The following PRELID2 variants were observed in gnomAD, a reference collection of about 807,000 sequenced individuals.
PRELID2 encodes PRELI domain-containing protein 2.
Under a neutral mutation model 28.4 loss-of-function variants are expected in PRELID2, and 25 were observed. The observed-to-expected ratio is 0.88, with a 90% confidence interval of 0.64 to 1.23. The LOEUF (loss-of-function observed/expected upper bound fraction) is 1.23, where lower values mean the gene tolerates loss of function less well. Ranked by LOEUF, PRELID2 falls within the 50% of genes most tolerant of loss-of-function variation. The pLI, the probability that PRELID2 is intolerant of heterozygous loss-of-function variation, is 0.00. For missense variants in PRELID2, 201 were observed against 214.4 expected, an observed-to-expected ratio of 0.94 and a Z score of 0.39; for synonymous variants, 76 against 71.6, an observed-to-expected ratio of 1.06 and a Z score of -0.31.
intron 5 of PRELID2, among the ~76,000 whole-genome samples, chr5:145,767,026 G>T (rs757519239): frequency 6.6e-6 from 1 of 152,122 alleles, no homozygotes; most frequent in South Asian, 2.1e-4. Context: ...AGTCCCTGGT[G>T]AGGGCCACAC....
chr5:145,616,566 G>A (rs2149648801), intron 1 of PRELID2, among the ~76,000 whole-genome samples: 1 of 152,222 alleles, frequency 6.6e-6, no homozygotes, highest in East Asian at 1.9e-4. Flanking sequence ...CAGGTTCTGT[G>A]ATGCCCCCCA....
intron 4 of PRELID2, among the ~76,000 whole-genome samples, chr5:145,807,865 C>T (rs1753622331): frequency 6.6e-6 from 1 of 152,060 alleles, no homozygotes; most frequent in Non-Finnish European, 1.5e-5. Context: ...TAAACTGTGA[C>T]CTCAGTGCAC....
At chr5:145,230,600 G>GA in the PRELID2 span, among the ~76,000 whole-genome samples, 1 of 151,828 alleles carries the variant, frequency 6.6e-6, no homozygotes, top group Non-Finnish European at 1.5e-5. Context: ...AAAAAGAAAA[G>GA]AAAAAAATGA....
intron 1 of PRELID2, among the ~76,000 whole-genome samples, chr5:145,558,164 T>C (rs1752897015): frequency 6.6e-6 from 1 of 152,254 alleles, no homozygotes; most frequent in South Asian, 2.1e-4. Context: ...CTGTTCTTAA[T>C]GGGACTATTA....
At chr5:145,425,586 C>A in the PRELID2 span, among the ~76,000 whole-genome samples, 6 of 152,046 alleles carry the variant, frequency 3.9e-5, no homozygotes, top group Admixed American at 3.9e-4. Flanking sequence ...TAAAAAAGAA[C>A]AAGATTACGT....
At chr5:145,361,304 C>A in the PRELID2 span, among the ~76,000 whole-genome samples, 4 of 152,136 alleles carry the variant, frequency 2.6e-5, no homozygotes, top group African/African-American at 9.7e-5. Context: ...TTTAACCTTG[C>A]TAAGTGCTTT....
the PRELID2 span, among the ~76,000 whole-genome samples, chr5:145,369,854 G>T: frequency 1.3e-5 from 2 of 151,894 alleles, no homozygotes; most frequent in South Asian, 2.1e-4. Flanking sequence ...GTTTTGATTT[G>T]CATTCCTCTA....
At chr5:145,322,120 G>A in the PRELID2 span, among the ~76,000 whole-genome samples, 1 of 152,136 alleles carries the variant, frequency 6.6e-6, no homozygotes, top group African/African-American at 2.4e-5. Flanking sequence ...GTGAATTGCT[G>A]AGATAATTCA....
At position 145,796,380 on chromosome 5, in the gene PRELID2, C is replaced by T. The variant is rs748318350; in HGVS notation, c.474+62G>A. On this transcript the variant is annotated intron_variant, in intron 5 of 6. Transcript: ENST00000683046. Reference sequence around the variant, plus strand: ...TCTGCTCATGAGTCTTATTCAATAACCCTATTGGAACTCCTATTGTTTTTT... The same window carrying T: ...TCTGCTCATGAGTCTTATTCAATAATCCTATTGGAACTCCTATTGTTTTTT... 1.1e-5 allele frequency: 11 copies of T among 1,041,570 alleles called. No homozygotes were observed. The African/African-American group carries it at 1.7e-4, about 17-fold the overall frequency. The allele number at this position is 1,041,570 out of a possible 1,614,324, so 64.5% of individuals were successfully genotyped here.
the PRELID2 span, among the ~76,000 whole-genome samples, chr5:145,306,009 T>C: frequency 1.3e-5 from 2 of 152,216 alleles, no homozygotes; most frequent in Admixed American, 1.3e-4. Context: ...TAAAGCCTTC[T>C]TCTCAGATAG....
At chr5:145,417,632 A>G in the PRELID2 span, among the ~76,000 whole-genome samples, 1 of 152,084 alleles carries the variant, frequency 6.6e-6, no homozygotes, top group Non-Finnish European at 1.5e-5. Flanking sequence ...TATAAACAGA[A>G]CTAATGACAA....
the PRELID2 span, among the ~76,000 whole-genome samples, chr5:145,237,250 C>A: frequency 6.6e-6 from 1 of 152,096 alleles, no homozygotes; most frequent in African/African-American, 2.4e-5. Context: ...TCTAAGTCAC[C>A]AAGACAGTGT....
At chr5:145,798,167 T>C (rs1401016739) in intron 4 of PRELID2, among the ~76,000 whole-genome samples, 2 of 151,930 alleles carry the variant, frequency 1.3e-5, no homozygotes, top group African/African-American at 4.8e-5. Flanking sequence ...TTTGAAATTA[T>C]TGAGTCAGGA....
intron 1 of PRELID2, among the ~76,000 whole-genome samples, chr5:145,661,884 C>A (rs1039376473): frequency 6.6e-6 from 1 of 151,766 alleles, no homozygotes; most frequent in Admixed American, 6.6e-5. Context: ...AAAAGAGGGC[C>A]CTGCCCTGGA....
At chr5:145,413,611 T>C in the PRELID2 span, among the ~76,000 whole-genome samples, 5 of 140,168 alleles carry the variant, frequency 3.6e-5, no homozygotes, top group South Asian at 5.1e-4. Context: ...ATGAAGAAAA[T>C]ACACACACAC....
chr5:145,639,933 C>G (rs1221578288), intron 1 of PRELID2, among the ~76,000 whole-genome samples: 1 of 152,104 alleles, frequency 6.6e-6, no homozygotes, highest in Non-Finnish European at 1.5e-5. Flanking sequence ...TGAGAAGTGC[C>G]CCCTTGGAAA....
At chr5:145,667,470 C>T (rs73302014) in intron 1 of PRELID2, among the ~76,000 whole-genome samples, 2 of 152,048 alleles carry the variant, frequency 1.3e-5, no homozygotes, top group Non-Finnish European at 2.9e-5. Flanking sequence ...GATGCAGATA[C>T]TTCCCATTAT....
At chr5:145,694,382 C>T (rs1172297134) in intron 1 of PRELID2, among the ~76,000 whole-genome samples, 2 of 151,944 alleles carry the variant, frequency 1.3e-5, no homozygotes, top group Non-Finnish European at 2.9e-5. Flanking sequence ...AATAAAGATG[C>T]ATGATTTTTA....
intron 4 of PRELID2, 81 bp from the exon 5 acceptor site, chr5:145,796,628 T>C: frequency 1.4e-6 from 1 of 723,154 alleles, no homozygotes. Context: ...AGCTGCATAA[T>C]TACCACTTAT....
Sources: gnomAD v4.1 joint callset for allele counts (sites outside exome capture counted in the v4.1 genomes callset) on GRCh38, gnomAD v4.1.1 for gene constraint, MANE v1.5 for transcripts, NCBI Gene and HGNC (gene_info 2026-07-23, HGNC 2026-07-21) for gene names.